The following HLA-DRB1 variants were observed in gnomAD, a reference collection of about 807,000 sequenced individuals.
HLA-DRB1 encodes the protein major histocompatibility complex, class II, DR beta 1 precursor.
A neutral mutation model predicts 27.9 loss-of-function variants in HLA-DRB1; 10 were observed. The ratio of observed to expected loss-of-function variants is 0.36; its 90% CI spans 0.22 to 0.61. The LOEUF is 0.61. Ranked by LOEUF, HLA-DRB1 falls within the 20% of genes least tolerant of loss-of-function variation. The probability of loss-of-function intolerance (pLI) is 0.73; values close to 1 mark genes in which losing one functional copy is unlikely to be tolerated. For synonymous variants in HLA-DRB1, 57 were observed against 126.7 expected (o/e 0.45, Z 3.69); for missense variants, 118 against 306.3 (o/e 0.39, Z 4.59).
intron 2 of HLA-DRB1, among the ~76,000 whole-genome samples, chr6:32,582,792 T>G (rs28724011): frequency 0.39 from 41,209 of 105,378 alleles, 9,578 homozygotes; most frequent in Middle Eastern, 0.52. Context: ...ATTAAGGCAG[T>G]GTCTGGGACT....
At chr6:32,585,714 C>T (rs1776294792) in intron 1 of HLA-DRB1, among the ~76,000 whole-genome samples, 1 of 105,760 alleles carries the variant, frequency 9.5e-6, no homozygotes, top group South Asian at 3.3e-4. Flanking sequence ...TGCAGTATAC[C>T]TAAACCTCAC....
At chr6:32,586,032 T>C (rs1346040934) in intron 1 of HLA-DRB1, among the ~76,000 whole-genome samples, 1 of 139,306 alleles carries the variant, frequency 7.2e-6, no homozygotes, top group African/African-American at 2.6e-5. Context: ...TGGTATATGC[T>C]ATGTCACTAA....
chr6:32,580,485 C>T (rs1243747089), intron 4 of HLA-DRB1, among the ~76,000 whole-genome samples: 1 of 120,378 alleles, frequency 8.3e-6, no homozygotes, highest in African/African-American at 2.9e-5. Context: ...CTTAGTGGCT[C>T]TTCCTTAATT....
intron 2 of HLA-DRB1, among the ~76,000 whole-genome samples, chr6:32,583,892 A>C (rs115968190): frequency 2.4e-3 from 145 of 60,160 alleles, no homozygotes; most frequent in Middle Eastern, 8.3e-3. Flanking sequence ...AGACACAGAC[A>C]AATCCACACT....
rs762530337 is a variant in HLA-DRB1, at chr6:32,581,850, ACAACGT to A, written c.371-18_371-13del. 5 of 855,756 alleles carry A rather than the reference ACAACGT, an allele frequency of 5.8e-6. No homozygotes were observed. Among genetic ancestry groups the A allele is most frequent in the Non-Finnish European group, 8.4e-6 (5 of 598,012 alleles). The allele number at this position is 855,756 out of a possible 1,614,324, so 53.0% of individuals were successfully genotyped here. A position where few individuals can be genotyped will look rare whatever the true frequency, so the allele number is the denominator to read the frequency against. ...CACCTTAGGTTGGACTAGGAGAAAA[ACAACGT>A]AGAGGGAATGAGTCAGGAAGACAGA... On this transcript the variant is annotated splice_polypyrimidine_tract_variant and intron_variant, in intron 2 of 5. Coordinates refer to ENST00000360004, the Ensembl canonical transcript of HLA-DRB1.
exon 4 of HLA-DRB1, chr6:32,580,819 A>T: frequency 6.2e-7 from 1 of 1,613,148 alleles, no homozygotes; most frequent in Non-Finnish European, 8.5e-7. Flanking sequence ...CCCCGACTCC[A>T]CTCAGCATCT....
At chr6:32,587,249 GCAT>G (rs1776560200) in intron 1 of HLA-DRB1, among the ~76,000 whole-genome samples, 1 of 54,262 alleles carries the variant, frequency 1.8e-5, no homozygotes, top group Non-Finnish European at 3.7e-5. Context: ...AGGTGTGGTG[GCAT>G]GCGCCTGTGG....
exon 1 of HLA-DRB1, chr6:32,589,839 G>A (rs28366223): frequency 0.016 from 6,331 of 405,154 alleles, 3 homozygotes; most frequent in Middle Eastern, 0.02. Context: ...GTTATAGGGA[G>A]GAAGTTACTG....
intron 1 of HLA-DRB1, among the ~76,000 whole-genome samples, chr6:32,589,197 C>T (rs1469591824): frequency 0.25 from 22,675 of 92,000 alleles, 849 homozygotes; most frequent in Middle Eastern, 0.34. Flanking sequence ...CTATGGCCAA[C>T]ACCAAAGGTC....
rs529869212 is a variant in HLA-DRB1, at chr6:32,586,969, C to A, written c.101-2591G>T. Among the ~76,000 whole-genome samples the A allele has an allele frequency of 4.9e-5, 4 of 81,300 alleles. No homozygotes were observed. The South Asian group carries it at 1.6e-3, about 32-fold the overall frequency. 53.3% of individuals were successfully genotyped at this position (81,300 alleles called of 152,430 possible). ...TCACCATCTTTATCACTAATGCACT[C>A]CATGAAGCCACAAACCTGTTTTCCC... On this transcript the variant is annotated intron_variant, in intron 1 of 5. Coordinates refer to ENST00000360004, the Ensembl canonical transcript of HLA-DRB1.
In HLA-DRB1 at chr6:32,579,456, G is replaced by A. The variant is rs1192990171; in HGVS notation, c.788-352C>T. Among the ~76,000 whole-genome samples the A allele has an allele frequency of 1.1e-4, 5 of 43,576 alleles. 2 individuals carry two copies. Among genetic ancestry groups the A allele is most frequent in the African/African-American group, 5.3e-4 (5 of 9,484 alleles). The allele number at this position is 43,576 out of a possible 152,430, so 28.6% of individuals were successfully genotyped here. ...AGTGAGTGTTACAGCTCTTAAAGGCGGCAGGGATCCAAAGAGTGGGCAGCA... is the reference window on the plus strand; with the variant it reads ...AGTGAGTGTTACAGCTCTTAAAGGCAGCAGGGATCCAAAGAGTGGGCAGCA... On this transcript the variant is annotated intron_variant, in intron 5 of 5. Coordinates refer to ENST00000360004, the Ensembl canonical transcript of HLA-DRB1.
intron 1 of HLA-DRB1, 84 bp from the exon 2 acceptor site, chr6:32,584,462 C>T (rs9269967): frequency 0.16 from 96,999 of 621,950 alleles, 9,953 homozygotes; most frequent in African/African-American, 0.29. Context: ...GCTCCCTGAG[C>T]GGGGTGCGGG....
intron 1 of HLA-DRB1, among the ~76,000 whole-genome samples, chr6:32,586,660 G>C (rs34845760): frequency 1.3e-3 from 60 of 47,662 alleles, no homozygotes; most frequent in Admixed American, 2.2e-3. Context: ...ATAAATACCT[G>C]AAGCCCTGGC....
chr6:32,582,119 T>C (rs551577449), intron 2 of HLA-DRB1, among the ~76,000 whole-genome samples: 1,933 of 115,800 alleles, frequency 0.017, 40 homozygotes, highest in African/African-American at 0.028. Flanking sequence ...GTACAGAGTG[T>C]AGTAATTAAA....
chr6:32,589,186 ACT>A (rs1434471883), intron 1 of HLA-DRB1, among the ~76,000 whole-genome samples: 60,274 of 95,268 alleles, frequency 0.63, 21,648 homozygotes, highest in Middle Eastern at 0.76. Flanking sequence ...ACATATGAGG[ACT>A]ATGGCCAACA....
chr6:32,581,311 G>GTGC (rs1295443803), intron 3 of HLA-DRB1, among the ~76,000 whole-genome samples: 4,428 of 69,886 alleles, frequency 0.063, 3 homozygotes, highest in Middle Eastern at 0.098. Flanking sequence ...ACCCTGACCT[G>GTGC]CAAAATCATG....
intron 1 of HLA-DRB1, among the ~76,000 whole-genome samples, chr6:32,587,085 T>C (rs143997917): frequency 1.7e-5 from 1 of 58,444 alleles, no homozygotes; most frequent in African/African-American, 7.0e-5. Flanking sequence ...AGAATTAGTT[T>C]TAAACATTGA....
chr6:32,586,326 A>T (rs34646374), intron 1 of HLA-DRB1, among the ~76,000 whole-genome samples: 11 of 81,758 alleles, frequency 1.3e-4, no homozygotes, highest in Admixed American at 5.7e-4. Flanking sequence ...AAATGGTCCA[A>T]TCCAGTTTCC....
intron 1 of HLA-DRB1, among the ~76,000 whole-genome samples, chr6:32,587,842 A>T (rs35155838): frequency 0.49 from 62,047 of 125,476 alleles, 16,035 homozygotes; most frequent in Middle Eastern, 0.67. Flanking sequence ...TGTAACTTCC[A>T]TGAGAGTAGG....
Sources: allele counts gnomAD v4.1 joint callset (sites outside exome capture counted in the v4.1 genomes callset), GRCh38; gene constraint gnomAD v4.1.1; transcripts MANE v1.5; gene names NCBI Gene and HGNC (gene_info 2026-07-23, HGNC 2026-07-21).